The following WDFY4 variants were observed in gnomAD, a reference collection of about 807,000 sequenced individuals.
WDFY4 encodes WD repeat- and FYVE domain-containing protein 4.
In WDFY4, 169 loss-of-function variants were observed where a neutral mutation model predicts 351.9. The observed-to-expected ratio is 0.48, with a 90% CI of 0.42 to 0.55. The LOEUF (loss-of-function observed/expected upper bound fraction) is 0.55, where lower values mean the gene tolerates loss of function less well. WDFY4 is among the 20% of genes least tolerant of loss of function. The probability of loss-of-function intolerance (pLI) is 0.00; values close to 1 mark genes in which losing one functional copy is unlikely to be tolerated. For missense variants in WDFY4, 3,803 were observed against 3,935.6 expected (o/e 0.97, Z 0.90); for synonymous variants, 1,622 against 1,574.6 (o/e 1.03, Z -0.71).
intron 35 of WDFY4, among the ~76,000 whole-genome samples, chr10:48,825,322 G>A (rs1001901361): frequency 2.6e-5 from 4 of 152,122 alleles, no homozygotes; most frequent in African/African-American, 9.7e-5. Flanking sequence ...GTATTCCATG[G>A]TATATATACA....
intron 3 of WDFY4, 60 bp from the exon 4 acceptor site, chr10:48,721,201 A>C (rs569705419): frequency 6.7e-7 from 1 of 1,493,440 alleles, no homozygotes; most frequent in African/African-American, 1.4e-5. Flanking sequence ...GGGGCCCTGG[A>C]TGGAGGGGAA....
chr10:48,913,658 G>C, intron 47 of WDFY4: 1 of 1,613,770 alleles, frequency 6.2e-7, no homozygotes, highest in Non-Finnish European at 8.5e-7. Flanking sequence ...TCAGCTTGGG[G>C]AGCTTGGAGA....
At chr10:48,969,923 A>C (rs1167295817) in intron 56 of WDFY4, among the ~76,000 whole-genome samples, 3 of 151,716 alleles carry the variant, frequency 2.0e-5, no homozygotes, top group Non-Finnish European at 4.4e-5. Flanking sequence ...AGCATCCCTC[A>C]CTTGTTTCTT....
intron 35 of WDFY4, chr10:48,823,675 C>A (rs1306132167): frequency 4.4e-5 from 44 of 1,003,744 alleles, no homozygotes; most frequent in Non-Finnish European, 4.8e-5. Context: ...TGGAAAGAAG[C>A]TGCTGAGCTC....
At chr10:48,698,999 A>C (rs575751562) in intron 1 of WDFY4, among the ~76,000 whole-genome samples, 3 of 152,188 alleles carry the variant, frequency 2.0e-5, no homozygotes, top group African/African-American at 7.2e-5. Flanking sequence ...CATGAAATGC[A>C]CTATAGACCT....
At chr10:48,787,665 G>T (rs1357176147) in intron 20 of WDFY4, among the ~76,000 whole-genome samples, 1 of 152,186 alleles carries the variant, frequency 6.6e-6, no homozygotes, top group Non-Finnish European at 1.5e-5. Flanking sequence ...TGGTTTTAGG[G>T]AATGAGGTTA....
intron 11 of WDFY4, among the ~76,000 whole-genome samples, chr10:48,742,030 T>G (rs954061162): frequency 5.9e-5 from 9 of 152,320 alleles, no homozygotes; most frequent in African/African-American, 2.2e-4. Context: ...GAGAACTGCT[T>G]AAATGTAGCC....
In WDFY4 at chr10:48,721,263, C is replaced by A; in HGVS notation, c.352C>A (p.Gln118Lys). The change falls in exon 4 of 62, where the codon CAA becomes AAA. Residue 118 changes from glutamine (Q) to lysine (K), a missense_variant and splice_region_variant. Gln to Lys is a moderately conservative substitution (Grantham distance 53). Transcript: ENST00000325239. Reference sequence around the variant, plus strand: ...CTGCTGGTGACACTTTCTTCCAGAGCAAGCTCGGTTGGCAGCTGGACAGTT... The same window carrying A: ...CTGCTGGTGACACTTTCTTCCAGAGAAAGCTCGGTTGGCAGCTGGACAGTT... The part of the protein sequence containing the change: ...QKALVGKPAE[Q>K]ARLAAGQLLW... The A allele has an allele frequency of 1.3e-6, 2 of 1,551,624 alleles. No individual in the cohort carries two copies. Among genetic ancestry groups the A allele is most frequent in the Non-Finnish European group, 1.7e-6 (2 of 1,146,962 alleles).
rs563208946 is a variant in WDFY4, at chr10:48,752,556, TC to T, written c.2460-7788del. Among the ~76,000 whole-genome samples, 691 of 152,342 alleles carry T rather than the reference TC, an allele frequency of 4.5e-3. 5 individuals carry two copies. The highest frequency in any genetic ancestry group is 0.016 in the African/African-American group (670 of 41,572). On this transcript the variant is annotated intron_variant, in intron 12 of 61. Transcript: ENST00000325239. ...TACTCATTCTCATTCTTTTCCCCAG[TC>T]CCTGGGCTACCACCAATCTGCTTTG...
At chr10:48,689,031 C>G (rs2063128560) in intron 1 of WDFY4, among the ~76,000 whole-genome samples, 1 of 152,040 alleles carries the variant, frequency 6.6e-6, no homozygotes, top group Non-Finnish European at 1.5e-5. Flanking sequence ...AGGCTTGGCC[C>G]CCTCCACCCC....
At chr10:48,883,096 T>C (rs1043741829) in intron 43 of WDFY4, among the ~76,000 whole-genome samples, 1 of 152,158 alleles carries the variant, frequency 6.6e-6, no homozygotes, top group African/African-American at 2.4e-5. Context: ...GGGCTTGGAG[T>C]TGTGGCTCCT....
chr10:48,874,879 G>GT (rs563874845), intron 41 of WDFY4, among the ~76,000 whole-genome samples: 1 of 152,178 alleles, frequency 6.6e-6, no homozygotes, highest in Non-Finnish European at 1.5e-5. Context: ...AAGATTGTGG[G>GT]TTTTTTCCCC....
At chr10:48,913,780 C>G (rs768130694) in intron 47 of WDFY4, 30 of 1,614,118 alleles carry the variant, frequency 1.9e-5, no homozygotes, top group Non-Finnish European at 2.5e-5. Context: ...CCTAGGTTCA[C>G]AGCGCGGATG....
chr10:48,949,910 A>C (rs774725265), intron 51 of WDFY4, among the ~76,000 whole-genome samples: 21 of 152,098 alleles, frequency 1.4e-4, no homozygotes, highest in Non-Finnish European at 2.2e-4. Flanking sequence ...GGGTAGGAGG[A>C]TCACCTCTGA....
At chr10:48,706,742 T>C (rs2063640643) in intron 1 of WDFY4, among the ~76,000 whole-genome samples, 1 of 152,208 alleles carries the variant, frequency 6.6e-6, no homozygotes, top group African/African-American at 2.4e-5. Context: ...TGGATTAGGA[T>C]TTGTTATTTT....
At chr10:48,825,671 C>T in intron 35 of WDFY4, among the ~76,000 whole-genome samples, 1 of 152,098 alleles carries the variant, frequency 6.6e-6, no homozygotes, top group Non-Finnish European at 1.5e-5. Context: ...GATAGTATCT[C>T]ATTGTGGTTT....
chr10:48,895,468 C>T (rs1000471265), intron 44 of WDFY4, among the ~76,000 whole-genome samples: 7 of 152,206 alleles, frequency 4.6e-5, no homozygotes, highest in Non-Finnish European at 8.8e-5. Context: ...GTGGTTGGCA[C>T]ACAGGCTTCT....
Position 48,966,548 on chromosome 10 carries a change from C to A in WDFY4, c.8459C>A (p.Ala2820Asp). The A allele has an allele frequency of 6.4e-7, 1 of 1,552,130 alleles. No individual in the cohort carries two copies. The highest frequency in any genetic ancestry group is 8.7e-7 in the Non-Finnish European group (1 of 1,147,060). The part of the protein sequence containing the change: ...PKQLFTKPHP[A>D]RTAAGKPLPG... ...TAGCTCTTTACCAAACCTCACCCAGCCAGGACTGCAGCAGGGAAGCCTCTG... is the reference window on the plus strand; with the variant it reads ...TAGCTCTTTACCAAACCTCACCCAGACAGGACTGCAGCAGGGAAGCCTCTG... The change falls in exon 55 of 62, where the codon GCC becomes GAC. Residue 2820 changes from alanine (A) to aspartate (D), a missense_variant. Around this residue, in one of 3 missense-constraint regions of WDFY4, gnomAD observed 3,054 missense variants for 3,148.6 expected, o/e 0.97. Coordinates refer to ENST00000325239, the MANE Select transcript of WDFY4 (RefSeq NM_001394531.1).
chr10:48,734,068 C>T (rs2064561525), intron 10 of WDFY4, 33 bp downstream of exon 10: 2 of 1,523,514 alleles, frequency 1.3e-6, no homozygotes, highest in African/African-American at 2.8e-5. Flanking sequence ...CTCATCACTG[C>T]TTGGTAAAAC....
Sources: gnomAD v4.1 joint callset for allele counts (sites outside exome capture counted in the v4.1 genomes callset) on GRCh38, gnomAD v4.1.1 for gene constraint, gnomAD v4.1.1 regional missense constraint, MANE v1.5 for transcripts, NCBI Gene and HGNC (gene_info 2026-07-23, HGNC 2026-07-21) for gene names.